The following ROBO2 variants were observed in gnomAD, a reference collection of about 807,000 sequenced individuals.
The protein encoded by ROBO2 is roundabout homolog 2.
In ROBO2, 53 loss-of-function variants were observed where a neutral mutation model predicts 160.8. The ratio of observed to expected loss-of-function variants is 0.33; its 90% confidence interval spans 0.26 to 0.41. The LOEUF (loss-of-function observed/expected upper bound fraction) is 0.41. Among genes scored for constraint, ROBO2 ranks in the 10% least tolerant of loss-of-function variants. The pLI, the probability that ROBO2 is intolerant of heterozygous loss-of-function variation, is 1.00. For missense variants in ROBO2, 1,577 were observed against 1,722.4 expected, an observed-to-expected ratio of 0.92 and a Z score of 1.49; for synonymous variants, 664 against 611.7, an observed-to-expected ratio of 1.09 and a Z score of -1.26.
intron 2 of ROBO2, among the ~76,000 whole-genome samples, chr3:76,250,616 C>A (rs150970526): frequency 6.6e-6 from 1 of 151,968 alleles, no homozygotes; most frequent in Admixed American, 6.6e-5. Context: ...CATATCCCTG[C>A]GCTTCAGTTT....
chr3:76,281,928 A>G (rs1182182781), intron 2 of ROBO2, among the ~76,000 whole-genome samples: 1 of 152,006 alleles, frequency 6.6e-6, no homozygotes, highest in Non-Finnish European at 1.5e-5. Context: ...GAGCTTACCC[A>G]ATGCCAAGCA....
At chr3:76,938,052 G>A (rs1353927279) in intron 2 of ROBO2, among the ~76,000 whole-genome samples, 1 of 152,200 alleles carries the variant, frequency 6.6e-6, no homozygotes, top group Non-Finnish European at 1.5e-5. Flanking sequence ...GGGCCTCAGA[G>A]AACAAGCACC....
At chr3:76,747,533 G>T (rs1480247204) in intron 2 of ROBO2, among the ~76,000 whole-genome samples, 1 of 151,960 alleles carries the variant, frequency 6.6e-6, no homozygotes, top group Non-Finnish European at 1.5e-5. Flanking sequence ...TTTGCACCTT[G>T]TCATGAATAC....
chr3:75,973,384 T>TA (rs2065048028), intron 2 of ROBO2, among the ~76,000 whole-genome samples: 1 of 151,530 alleles, frequency 6.6e-6, no homozygotes, highest in African/African-American at 2.4e-5. Context: ...ATCAAGAATT[T>TA]AAAAAATATG....
intron 2 of ROBO2, among the ~76,000 whole-genome samples, chr3:76,530,517 T>C (rs141726606): frequency 7.2e-5 from 11 of 152,328 alleles, no homozygotes; most frequent in Admixed American, 2.0e-4. Flanking sequence ...CCTTCTTTCC[T>C]AGTTCTCTGT....
chr3:77,389,895 TC>T (rs1386984359), intron 2 of ROBO2, among the ~76,000 whole-genome samples: 3 of 152,168 alleles, frequency 2.0e-5, no homozygotes, highest in Non-Finnish European at 2.9e-5. Flanking sequence ...ACAGATGTTC[TC>T]CTCCACTGTG....
chr3:76,799,275 C>T (rs1385356756), intron 2 of ROBO2, among the ~76,000 whole-genome samples: 1 of 151,838 alleles, frequency 6.6e-6, no homozygotes, highest in Non-Finnish European at 1.5e-5. Context: ...TGGTATCCTG[C>T]TGAATGGGAA....
intron 2 of ROBO2, among the ~76,000 whole-genome samples, chr3:77,150,488 A>G (rs2077461440): frequency 6.6e-6 from 1 of 152,230 alleles, no homozygotes; most frequent in Non-Finnish European, 1.5e-5. Context: ...TCTGAAAGTT[A>G]GCACAAACAT....
At chr3:77,469,657 C>T (rs2083151095) in intron 2 of ROBO2, among the ~76,000 whole-genome samples, 1 of 152,154 alleles carries the variant, frequency 6.6e-6, no homozygotes, top group South Asian at 2.1e-4. Flanking sequence ...TTCTGACCTT[C>T]TTGAACTGTC....
intron 4 of ROBO2, among the ~76,000 whole-genome samples, chr3:77,483,720 A>C (rs1354725104): frequency 6.8e-6 from 1 of 148,010 alleles, no homozygotes; most frequent in Non-Finnish European, 1.5e-5. Flanking sequence ...TTATTATTAT[A>C]AATATGATGT....
At chr3:76,527,255 T>C (rs985131111) in intron 2 of ROBO2, among the ~76,000 whole-genome samples, 1 of 152,058 alleles carries the variant, frequency 6.6e-6, no homozygotes, top group Admixed American at 6.6e-5. Flanking sequence ...TATACAAATA[T>C]CTGTTTTCTT....
intron 2 of ROBO2, among the ~76,000 whole-genome samples, chr3:77,288,558 C>T (rs2060781629): frequency 6.6e-6 from 1 of 152,134 alleles, no homozygotes; most frequent in African/African-American, 2.4e-5. Context: ...GTGCTGTTTT[C>T]CCTGTTTGAC....
At chr3:77,407,003 A>G (rs1387323532) in intron 2 of ROBO2, among the ~76,000 whole-genome samples, 1 of 152,156 alleles carries the variant, frequency 6.6e-6, no homozygotes, top group African/African-American at 2.4e-5. Flanking sequence ...AACTCTTTTT[A>G]TATATAGATA....
chr3:76,991,694 G>A (rs2060673433), intron 2 of ROBO2, among the ~76,000 whole-genome samples: 2 of 152,140 alleles, frequency 1.3e-5, no homozygotes, highest in African/African-American at 4.8e-5. Flanking sequence ...AACATATTAT[G>A]CTTTTGATGT....
chr3:77,315,607 G>A (rs903279172), intron 2 of ROBO2, among the ~76,000 whole-genome samples: 1 of 152,126 alleles, frequency 6.6e-6, no homozygotes, highest in Non-Finnish European at 1.5e-5. Flanking sequence ...TTATTCAACT[G>A]CTAGTGAAAG....
intron 1 of ROBO2, 152 bp from the exon 2 acceptor site, chr3:77,097,862 A>G (rs2071307560): frequency 4.6e-6 from 3 of 645,608 alleles, no homozygotes; most frequent in Admixed American, 6.1e-5. Flanking sequence ...AGGAGTTGAG[A>G]TGACTTATGA....
chr3:77,242,197 G>A (rs1452818808), intron 2 of ROBO2, among the ~76,000 whole-genome samples: 1 of 151,920 alleles, frequency 6.6e-6, no homozygotes, highest in Non-Finnish European at 1.5e-5. Context: ...TTTGTGTCAG[G>A]AAAAAAATAA....
chr3:77,577,444 C>T (rs1001754447), intron 14 of ROBO2, 46 bp from the exon 16 acceptor site: 1 of 1,612,534 alleles, frequency 6.2e-7, no homozygotes, highest in Non-Finnish European at 8.5e-7. Flanking sequence ...CATGAACGCA[C>T]ACCAAGGCTT....
intron 2 of ROBO2, among the ~76,000 whole-genome samples, chr3:76,354,293 T>C (rs1200138913): frequency 1.3e-5 from 2 of 151,924 alleles, no homozygotes; most frequent in African/African-American, 2.4e-5. Context: ...TGGATTTCAA[T>C]ACATACATTC....
Sources: gnomAD v4.1 joint callset for allele counts (sites outside exome capture counted in the v4.1 genomes callset) on GRCh38, gnomAD v4.1.1 for gene constraint, MANE v1.5 for transcripts, NCBI Gene and HGNC (gene_info 2026-07-23, HGNC 2026-07-21) for gene names.